The following CBL variants were observed in gnomAD, a reference collection of about 807,000 sequenced individuals.
The protein encoded by CBL is Cbl proto-oncogene, also known as E3 ubiquitin-protein ligase CBL.
CBL carries 45 observed loss-of-function variants against 96.9 expected under a neutral mutation model. The observed-to-expected ratio is 0.46, with a 90% confidence interval of 0.37 to 0.60. The LOEUF (loss-of-function observed/expected upper bound fraction) is 0.60, where lower values mean the gene tolerates loss of function less well. Among genes scored for constraint, CBL ranks in the 20% least tolerant of loss-of-function variants. The pLI, the probability that CBL is intolerant of heterozygous loss-of-function variation, is 0.00. For synonymous variants in CBL, 420 were observed against 426.8 expected, an observed-to-expected ratio of 0.98 and a Z score of 0.20; for missense variants, 1,024 against 1,143.5, an observed-to-expected ratio of 0.90 and a Z score of 1.51.
At position 119,304,571 on chromosome 11, in the gene CBL, C is replaced by G. The variant is rs1270110321; in HGVS notation, c.*4790C>G. The stretch of plus-strand genomic sequence containing the variant: ...CAAATAGGCACTCTAGTCCTCAAGT[C>G]TACACCACCTTCCAACTCTGGGGAT... On this transcript the variant is annotated 3_prime_UTR_variant, in exon 16 of 16. Coordinates refer to ENST00000264033, the MANE Select transcript of CBL (RefSeq NM_005188.4). 2 of 232,308 alleles carry G rather than the reference C, an allele frequency of 8.6e-6. No individual in the cohort carries two copies. The highest frequency in any genetic ancestry group is 2.2e-5 in the African/African-American group (1 of 45,248). 14.4% of individuals were successfully genotyped at this position (232,308 alleles called of 1,614,324 possible). A position where few individuals can be genotyped will look rare whatever the true frequency, so the allele number is the denominator to read the frequency against.
At chr11:119,288,846 A>G (rs765159306) in intron 12 of CBL, among the ~76,000 whole-genome samples, 10 of 152,220 alleles carry the variant, frequency 6.6e-5, no homozygotes, top group Non-Finnish European at 1.5e-4. Flanking sequence ...CTATGCGCAC[A>G]CTGAGAATAA....
chr11:119,256,192 CTT>C (rs199662024), intron 2 of CBL, among the ~76,000 whole-genome samples: 36 of 136,700 alleles, frequency 2.6e-4, no homozygotes, highest in Admixed American at 3.0e-4. Flanking sequence ...TTTGTACATT[CTT>C]TTTTTTTTTT....
At chr11:119,266,409 A>T (rs1329807208) in intron 2 of CBL, among the ~76,000 whole-genome samples, 18 of 152,226 alleles carry the variant, frequency 1.2e-4, no homozygotes, top group Admixed American at 1.2e-3. Flanking sequence ...ATGAAGTTGT[A>T]TTTATATTTT....
rs1251712965 is a variant in CBL at position 119,303,893 on chromosome 11, AC to A, written c.*4115del. The A allele has an allele frequency of 4.3e-6, 1 of 233,288 alleles. No homozygotes were observed. The allele number at this position is 233,288 out of a possible 1,614,324, so 14.5% of individuals were successfully genotyped here. ...CCCTTGTTGGGAGGATTTTCGTATC[AC>A]CCTTATGGGACCTGTCACCATGTCC... On this transcript the variant is annotated 3_prime_UTR_variant, in exon 16 of 16. Coordinates refer to ENST00000264033, the MANE Select transcript of CBL (RefSeq NM_005188.4).
intron 1 of CBL, among the ~76,000 whole-genome samples, chr11:119,206,854 G>A (rs987110387): frequency 1.2e-4 from 18 of 152,014 alleles, no homozygotes; most frequent in Non-Finnish European, 2.2e-4. Context: ...GTTTGGGGTA[G>A]CCAGACAAAG....
rs369656948 is a variant in CBL, at chr11:119,285,008, G to A, written c.1471G>A (p.Ala491Thr). The change falls in exon 10 of 16, where the codon GCT becomes ACT. Residue 491 changes from alanine (A) to threonine (T), a missense_variant. Around this residue, in one of 4 missense-constraint regions of CBL, gnomAD observed 695 missense variants for 661.6 expected, o/e 1.05. Coordinates refer to ENST00000264033, the MANE Select transcript of CBL (RefSeq NM_005188.4). ...PPSPFSMAPQASLPPVPPRLD... is the reference protein window; with the variant it reads ...PPSPFSMAPQTSLPPVPPRLD... ...TTCTCCATTCTCCATGGCCCCACAAGCTTCCCTTCCCCCGGTGCCACCACG... is the reference window on the plus strand; with the variant it reads ...TTCTCCATTCTCCATGGCCCCACAAACTTCCCTTCCCCCGGTGCCACCACG... 6.2e-7 allele frequency: 1 copy of A among 1,614,010 alleles called. No individual in the cohort carries two copies. Among genetic ancestry groups the A allele is most frequent in the African/African-American group, 1.3e-5 (1 of 74,904 alleles).
At chr11:119,209,435 T>C (rs919863691) in intron 1 of CBL, among the ~76,000 whole-genome samples, 1 of 152,116 alleles carries the variant, frequency 6.6e-6, no homozygotes, top group Non-Finnish European at 1.5e-5. Flanking sequence ...TCTGCCAACA[T>C]GGTGAAATGC....
At chr11:119,208,049 C>T (rs1429488569) in intron 1 of CBL, among the ~76,000 whole-genome samples, 1 of 152,088 alleles carries the variant, frequency 6.6e-6, no homozygotes, top group Non-Finnish European at 1.5e-5. Flanking sequence ...TAATTAATGA[C>T]ACAAGTATTC....
intron 1 of CBL, among the ~76,000 whole-genome samples, chr11:119,211,486 T>A (rs755551161): frequency 2.6e-5 from 4 of 152,212 alleles, no homozygotes; most frequent in Non-Finnish European, 5.9e-5. Context: ...TCATGTTCTT[T>A]GTTGTTATTG....
chr11:119,296,832 A>G (rs1165868036), intron 12 of CBL, 86 bp from the exon 13 acceptor site: 5 of 737,602 alleles, frequency 6.8e-6, no homozygotes, highest in South Asian at 5.7e-5. Context: ...AATTTGAGTT[A>G]TGTCTGTTTT....
intron 2 of CBL, among the ~76,000 whole-genome samples, chr11:119,258,150 C>G (rs1346428894): frequency 1.3e-5 from 2 of 152,124 alleles, no homozygotes; most frequent in Non-Finnish European, 2.9e-5. Flanking sequence ...ATCGCTTGAA[C>G]CTGGGAGGCG....
At chr11:119,239,460 T>C (rs1949569048) in intron 2 of CBL, among the ~76,000 whole-genome samples, 1 of 152,238 alleles carries the variant, frequency 6.6e-6, no homozygotes, top group Non-Finnish European at 1.5e-5. Context: ...TCCACAACTT[T>C]GCAGAACTTA....
At chr11:119,249,057 A>G (rs1305136702) in intron 2 of CBL, among the ~76,000 whole-genome samples, 1 of 152,218 alleles carries the variant, frequency 6.6e-6, no homozygotes, top group Non-Finnish European at 1.5e-5. Flanking sequence ...AGCTGAACAT[A>G]GAATTACCAT....
rs1405381729 is a variant in CBL at position 119,307,094 on chromosome 11, C to G, written c.*7313C>G. On this transcript the variant is annotated 3_prime_UTR_variant, in exon 16 of 16. Transcript: ENST00000264033. Reference sequence around the variant, plus strand: ...TGTCTAGGAGACAGGAAAGAATGCTCTCTGTGACTGGAGAGGTGACATGCA... The same window carrying G: ...TGTCTAGGAGACAGGAAAGAATGCTGTCTGTGACTGGAGAGGTGACATGCA... 1 of 231,214 alleles carries G rather than the reference C, an allele frequency of 4.3e-6. No individual in the cohort carries two copies. Among genetic ancestry groups the G allele is most frequent in the Non-Finnish European group, 8.6e-6 (1 of 116,678 alleles). The allele number at this position is 231,214 out of a possible 1,614,324, so 14.3% of individuals were successfully genotyped here. A position where few individuals can be genotyped will look rare whatever the true frequency, so the allele number is the denominator to read the frequency against.
At chr11:119,293,936 A>G (rs1419951851) in intron 12 of CBL, among the ~76,000 whole-genome samples, 1 of 152,150 alleles carries the variant, frequency 6.6e-6, no homozygotes, top group Non-Finnish European at 1.5e-5. Flanking sequence ...CATTGAGACT[A>G]CTTTAAACGC....
intron 9 of CBL, among the ~76,000 whole-genome samples, chr11:119,284,461 A>G (rs780658895): frequency 1.1e-4 from 16 of 151,814 alleles, no homozygotes; most frequent in Admixed American, 2.0e-4. Context: ...GGCCCAGCTA[A>G]TTTTTTATTT....
At position 119,287,963 on chromosome 11, in the gene CBL, T is replaced by TA. The variant is rs1325703859; in HGVS notation, c.2036+18dup. On this transcript the variant is annotated intron_variant, in intron 12 of 15. Coordinates refer to ENST00000264033, the MANE Select transcript of CBL (RefSeq NM_005188.4). The stretch of plus-strand genomic sequence containing the variant: ...GGCTGCCAGGTAAGTCTGCTAAAGC[T>TA]ATATTTTGTACAGTGGAGTTGTTAC... 6.4e-7 allele frequency: 1 copy of TA among 1,558,568 alleles called. No homozygotes were observed. Among genetic ancestry groups the TA allele is most frequent in the Non-Finnish European group, 8.9e-7 (1 of 1,129,448 alleles).
Position 119,307,203 on chromosome 11 carries a change from G to A in CBL, c.*7422G>A, listed in dbSNP as rs1332105668. On this transcript the variant is annotated 3_prime_UTR_variant, in exon 16 of 16. Transcript: ENST00000264033. ...CATTGTACCCTGGGATCATTTGGTT[G>A]GTTCCAATCACAAGCTTAGTTATCA... 6 of 232,196 alleles carry A rather than the reference G, an allele frequency of 2.6e-5. No individual in the cohort carries two copies. Among genetic ancestry groups the A allele is most frequent in the Non-Finnish European group, 5.1e-5 (6 of 117,198 alleles). 14.4% of individuals were successfully genotyped at this position (232,196 alleles called of 1,614,324 possible).
rs569618407 is a variant in CBL at position 119,298,299 on chromosome 11, G to T, written c.2252-59G>T. The T allele has an allele frequency of 4.1e-6, 6 of 1,448,230 alleles. No homozygotes were observed. The South Asian group carries it at 5.7e-5, about 14-fold the overall frequency. 89.7% of individuals were successfully genotyped at this position (1,448,230 alleles called of 1,614,324 possible). On this transcript the variant is annotated intron_variant, in intron 14 of 15. Transcript: ENST00000264033. ...TAAAAATGAATGGCTGCCCCGTATTGAAATGTATTAGAAGATGAAGTGCGT... is the reference window on the plus strand; with the variant it reads ...TAAAAATGAATGGCTGCCCCGTATTTAAATGTATTAGAAGATGAAGTGCGT...
Sources: gnomAD v4.1 joint callset for allele counts (sites outside exome capture counted in the v4.1 genomes callset) on GRCh38, gnomAD v4.1.1 for gene constraint, gnomAD v4.1.1 regional missense constraint, MANE v1.5 for transcripts, NCBI Gene and HGNC (gene_info 2026-07-23, HGNC 2026-07-21) for gene names.